The following NPFFR2 variants were observed in gnomAD, a reference collection of about 807,000 sequenced individuals.
NPFFR2 encodes neuropeptide FF receptor 2.
A neutral mutation model predicts 13.1 loss-of-function variants in NPFFR2; 15 were observed. The ratio of observed to expected loss-of-function variants is 1.15; its 90% CI spans 0.77 to 1.76. The LOEUF (loss-of-function observed/expected upper bound fraction) is 1.76. Among genes scored for constraint, NPFFR2 ranks in the 40% most tolerant of loss-of-function variants. NPFFR2 has a pLI of 0.00. For missense variants in NPFFR2, 572 were observed against 503.5 expected (o/e 1.14, Z -1.30); for synonymous variants, 190 against 175.7 (o/e 1.08, Z -0.65).
intron 1 of NPFFR2, among the ~76,000 whole-genome samples, chr4:72,065,826 A>G (rs1720050923): frequency 1.3e-5 from 2 of 152,122 alleles, no homozygotes; most frequent in Admixed American, 1.3e-4. Flanking sequence ...CCCTACCCAG[A>G]TCTTCAGAAG....
In NPFFR2 at chr4:72,138,174, T is replaced by C. The variant is rs16847523; in HGVS notation, c.428+35T>C. The C allele has an allele frequency of 1.0e-4, 146 of 1,439,690 alleles. No individual in the cohort carries two copies. The African/African-American group carries it at 1.8e-3, about 18-fold the overall frequency. 89.2% of individuals were successfully genotyped at this position (1,439,690 alleles called of 1,614,324 possible). ...CACCAAACTCTGAATCCAGAAAAATTGGCATGTCTGCAACTAGTATACCAG... is the reference window on the plus strand; with the variant it reads ...CACCAAACTCTGAATCCAGAAAAATCGGCATGTCTGCAACTAGTATACCAG... On this transcript the variant is annotated intron_variant, in intron 3 of 3. Coordinates refer to ENST00000308744, the MANE Select transcript of NPFFR2 (RefSeq NM_004885.3).
At chr4:72,094,382 T>C (rs1001544937) in intron 1 of NPFFR2, among the ~76,000 whole-genome samples, 2 of 152,156 alleles carry the variant, frequency 1.3e-5, no homozygotes, top group Non-Finnish European at 2.9e-5. Flanking sequence ...AAGCTTGGCC[T>C]AGGATCAGGC....
chr4:72,145,785 G>T (rs879561158), intron 3 of NPFFR2, among the ~76,000 whole-genome samples: 1 of 152,082 alleles, frequency 6.6e-6, no homozygotes, highest in African/African-American at 2.4e-5. Context: ...GATCTGGAAT[G>T]TAACAATTTT....
intron 1 of NPFFR2, among the ~76,000 whole-genome samples, chr4:72,090,496 C>T (rs1282006708): frequency 6.6e-6 from 1 of 152,056 alleles, no homozygotes; most frequent in Non-Finnish European, 1.5e-5. Flanking sequence ...TCTATTATTT[C>T]TTTCAGCAGT....
At chr4:72,138,538 A>T (rs1440392888) in intron 3 of NPFFR2, among the ~76,000 whole-genome samples, 3 of 151,206 alleles carry the variant, frequency 2.0e-5, no homozygotes, top group African/African-American at 2.4e-5. Flanking sequence ...TGTGATAGTT[A>T]GCTGAGAATG....
intron 1 of NPFFR2, among the ~76,000 whole-genome samples, chr4:72,042,231 A>G (rs1426260826): frequency 2.0e-5 from 3 of 152,242 alleles, no homozygotes; most frequent in South Asian, 2.1e-4. Context: ...CACCATGTGA[A>G]GAAGGAAATG....
intron 1 of NPFFR2, among the ~76,000 whole-genome samples, chr4:72,055,893 T>C (rs575134909): frequency 6.6e-6 from 1 of 152,024 alleles, no homozygotes; most frequent in African/African-American, 2.4e-5. Context: ...TTCAATTCTA[T>C]GAAAGCTAAA....
intron 1 of NPFFR2, among the ~76,000 whole-genome samples, chr4:72,109,492 TTGAC>T (rs1254518194): frequency 3.3e-5 from 5 of 152,026 alleles, no homozygotes; most frequent in African/African-American, 9.7e-5. Context: ...ATTTTCTCTG[TTGAC>T]TGACTGTGGG....
At chr4:72,055,561 TTTAGG>T (rs1044375901) in intron 1 of NPFFR2, among the ~76,000 whole-genome samples, 14 of 151,930 alleles carry the variant, frequency 9.2e-5, no homozygotes, top group African/African-American at 3.4e-4. Context: ...CCTCTAAGTG[TTTAGG>T]TTAAAGGAAA....
intron 1 of NPFFR2, among the ~76,000 whole-genome samples, chr4:72,061,359 G>C (rs1274936430): frequency 6.6e-6 from 1 of 152,154 alleles, no homozygotes; most frequent in East Asian, 1.9e-4. Context: ...TGCGATACAG[G>C]AATATTAGAG....
At chr4:72,034,119 G>GA (rs1389601294) in intron 1 of NPFFR2, among the ~76,000 whole-genome samples, 1 of 151,878 alleles carries the variant, frequency 6.6e-6, no homozygotes, top group Admixed American at 6.6e-5. Flanking sequence ...CCTTATTATG[G>GA]AAAAAAGGAC....
chr4:72,109,205 C>A (rs1721496865), intron 1 of NPFFR2, among the ~76,000 whole-genome samples: 1 of 151,972 alleles, frequency 6.6e-6, no homozygotes. Context: ...AGTCAGCACC[C>A]AGATCTGAGA....
At chr4:72,060,736 G>A (rs1424958893) in intron 1 of NPFFR2, among the ~76,000 whole-genome samples, 2 of 151,994 alleles carry the variant, frequency 1.3e-5, no homozygotes, top group South Asian at 2.1e-4. Context: ...GGATTTTTCC[G>A]ATGAGGTCAG....
chr4:72,047,263 C>G (rs1157811441), intron 1 of NPFFR2, among the ~76,000 whole-genome samples: 1 of 152,054 alleles, frequency 6.6e-6, no homozygotes, highest in African/African-American at 2.4e-5. Context: ...GGATAAAAGC[C>G]AGGTGCTATA....
intron 1 of NPFFR2, among the ~76,000 whole-genome samples, chr4:72,107,665 T>C (rs1220019869): frequency 1.3e-5 from 2 of 151,994 alleles, no homozygotes; most frequent in Non-Finnish European, 1.5e-5. Flanking sequence ...TCATCATAAG[T>C]ATGCCCTAGA....
chr4:72,067,178 T>A (rs4353870), intron 1 of NPFFR2, among the ~76,000 whole-genome samples: 136,739 of 152,092 alleles, frequency 0.9, 62,426 homozygotes, highest in Non-Finnish European at 0.98. Flanking sequence ...TGGATTCTCC[T>A]GTTTATAGCA....
Position 72,128,909 on chromosome 4 carries a change from T to C in NPFFR2, c.318T>C (p.Asn106=). The C allele has an allele frequency of 6.2e-7, 1 of 1,603,520 alleles. No individual in the cohort carries two copies. Among genetic ancestry groups the C allele is most frequent in the Non-Finnish European group, 8.5e-7 (1 of 1,172,030 alleles). Residue 106 remains asparagine (N), a synonymous_variant, in exon 2 of 4, where the codon AAT becomes AAC. Coordinates refer to ENST00000308744, the MANE Select transcript of NPFFR2 (RefSeq NM_004885.3). Reference sequence around the variant, plus strand: ...GCATGCCTATAACACTGCTGGACAATATTATAGCAGGTATGTTGGCTTTTG... The same window carrying C: ...GCATGCCTATAACACTGCTGGACAACATTATAGCAGGTATGTTGGCTTTTG... ...IFCMPITLLD[N]IIAGWPFGNT...
In NPFFR2 at chr4:72,147,546, T is replaced by C. The variant is rs1223882588; in HGVS notation, c.997T>C (p.Tyr333His). 4 of 1,614,230 alleles carry C rather than the reference T, an allele frequency of 2.5e-6. No homozygotes were observed. In the South Asian group the frequency reaches 4.4e-5, roughly 18 times the overall value. The change falls in exon 4 of 4, where the codon TAT (tyrosine) becomes CAT (histidine). Residue 333 changes from tyrosine to histidine, a missense_variant. By Grantham distance (83) the Tyr-to-His change is moderately conservative. Coordinates refer to ENST00000308744, the MANE Select transcript of NPFFR2 (RefSeq NM_004885.3). ...FGNSSVNPII[Y>H]GFFNENFRRG... is the part of the protein sequence containing the mutation. ...CAACAGCAGTGTCAATCCCATCATT[T>C]ATGGTTTCTTCAACGAGAATTTCCG... is the stretch of plus-strand genomic sequence containing the variant.
chr4:72,102,814 T>G (rs186542314), intron 1 of NPFFR2, among the ~76,000 whole-genome samples: 1 of 152,206 alleles, frequency 6.6e-6, no homozygotes, highest in East Asian at 1.9e-4. Flanking sequence ...CTATTGTGAA[T>G]AGTGCCGCAG....
Sources: gnomAD v4.1 joint callset for allele counts (sites outside exome capture counted in the v4.1 genomes callset) on GRCh38, gnomAD v4.1.1 for gene constraint, MANE v1.5 for transcripts, NCBI Gene and HGNC (gene_info 2026-07-23, HGNC 2026-07-21) for gene names.